ASCC2: variants seen among roughly 807,000 people sequenced by gnomAD.
The protein encoded by ASCC2 is activating signal cointegrator 1 complex subunit 2, also known as ASC-1 complex subunit P100.
ASCC2 carries 42 observed loss-of-function variants against 93.5 expected under a neutral mutation model. That is an observed-to-expected ratio of 0.45 (90% CI 0.35 to 0.58). ASCC2 has a LOEUF of 0.58. Among genes scored for constraint, ASCC2 ranks in the 20% least tolerant of loss-of-function variants. The probability of loss-of-function intolerance (pLI) is 0.00; values close to 1 mark genes in which losing one functional copy is unlikely to be tolerated. For missense variants in ASCC2, 859 were observed against 977.6 expected (o/e 0.88, Z 1.62); for synonymous variants, 364 against 384.2 (o/e 0.95, Z 0.62).
At position 29,793,693 on chromosome 22, in the gene ASCC2, G is replaced by C. The variant is rs1480662740; in HGVS notation, c.1689-17C>G. 3.2e-6 allele frequency: 5 copies of C among 1,546,940 alleles called. No individual in the cohort carries two copies. The highest frequency in any genetic ancestry group is 4.4e-6 in the Non-Finnish European group (5 of 1,147,834). ...TTCCTGGTGCTGAGAAGGAACAGCA[G>C]AAAGAGAGGAAGGAAAACCATCAGG... On this transcript the variant is annotated splice_polypyrimidine_tract_variant and intron_variant, in intron 15 of 19. Coordinates refer to ENST00000307790, the MANE Select transcript of ASCC2 (RefSeq NM_032204.5).
chr22:29,800,244 G>T (rs1450185353), intron 15 of ASCC2, among the ~76,000 whole-genome samples: 1 of 152,108 alleles, frequency 6.6e-6, no homozygotes. Flanking sequence ...TTTAGCTCTC[G>T]GTCCCATGTC....
At chr22:29,817,653 C>G (rs942831495) in intron 5 of ASCC2, among the ~76,000 whole-genome samples, 17 of 152,164 alleles carry the variant, frequency 1.1e-4, no homozygotes, top group Non-Finnish European at 2.4e-4. Context: ...CTCTCATGAT[C>G]CTTCCAGTGC....
intron 19 of ASCC2, 114 bp from the exon 20 acceptor site, chr22:29,789,298 C>T: frequency 1.0e-5 from 13 of 1,247,380 alleles, no homozygotes; most frequent in Non-Finnish European, 1.5e-5. Context: ...TGGGCCTGGT[C>T]ACTCATGTCC....
intron 5 of ASCC2, among the ~76,000 whole-genome samples, chr22:29,818,215 TTGAC>T (rs1194079404): frequency 6.6e-6 from 1 of 152,070 alleles, no homozygotes; most frequent in African/African-American, 2.4e-5. Context: ...AGTGATCACT[TTGAC>T]TGAGTTTCCG....
At chr22:29,807,779 C>T (rs1414469399) in intron 9 of ASCC2, among the ~76,000 whole-genome samples, 1 of 152,042 alleles carries the variant, frequency 6.6e-6, no homozygotes, top group East Asian at 1.9e-4. Flanking sequence ...TGTGGTGGCA[C>T]ACGCCTATAA....
chr22:29,827,805 ATTCT>A (rs2062587670), intron 2 of ASCC2, among the ~76,000 whole-genome samples: 1 of 51,928 alleles, frequency 1.9e-5, no homozygotes, highest in Non-Finnish European at 3.6e-5. Flanking sequence ...CAGGCTACTC[ATTCT>A]GACACACACA....
At chr22:29,800,534 G>A (rs2147623598) in intron 15 of ASCC2, among the ~76,000 whole-genome samples, 1 of 152,264 alleles carries the variant, frequency 6.6e-6, no homozygotes. Flanking sequence ...TGCCAAAAAA[G>A]TAGGAAGGAC....
chr22:29,834,755 G>C (rs1052883920), intron 1 of ASCC2, among the ~76,000 whole-genome samples: 6 of 152,146 alleles, frequency 3.9e-5, no homozygotes, highest in African/African-American at 9.7e-5. Flanking sequence ...TTTGCTCAAG[G>C]TAAATACATT....
At chr22:29,835,183 A>G (rs2063622203) in intron 1 of ASCC2, among the ~76,000 whole-genome samples, 1 of 152,170 alleles carries the variant, frequency 6.6e-6, no homozygotes, top group African/African-American at 2.4e-5. Context: ...GATTGCTCGA[A>G]GCCAGGAGTT....
At chr22:29,821,885 G>C in intron 5 of ASCC2, 1 of 427,236 alleles carries the variant, frequency 2.3e-6, no homozygotes, top group South Asian at 1.7e-5. Flanking sequence ...TGTAGTCCCA[G>C]GTACCTGGGA....
intron 6 of ASCC2, 34 bp downstream of exon 6, chr22:29,815,972 T>G: frequency 6.5e-7 from 1 of 1,542,090 alleles, no homozygotes; most frequent in Non-Finnish European, 8.8e-7. Context: ...TCCTCCAAGC[T>G]CAACCTCCCC....
At chr22:29,808,256 A>G (rs2059910198) in intron 8 of ASCC2, 71 bp from the exon 9 acceptor site, 1 of 1,501,566 alleles carries the variant, frequency 6.7e-7, no homozygotes, top group African/African-American at 1.4e-5. Context: ...ACATCAAAGC[A>G]AACCCCAGGG....
chr22:29,816,648 C>A (rs896138891), intron 5 of ASCC2: 3 of 152,240 alleles, frequency 2.0e-5, no homozygotes, highest in Admixed American at 1.3e-4. Flanking sequence ...AGATTTACCA[C>A]ACACTTGCAA....
At chr22:29,807,988 C>A in intron 9 of ASCC2, 123 bp downstream of exon 9, 1 of 909,406 alleles carries the variant, frequency 1.1e-6, no homozygotes, top group Non-Finnish European at 1.7e-6. Flanking sequence ...AAGCTCAAAG[C>A]TGCACAGTCC....
At chr22:29,795,541 C>T (rs964914504) in intron 15 of ASCC2, among the ~76,000 whole-genome samples, 1 of 152,176 alleles carries the variant, frequency 6.6e-6, no homozygotes, top group Non-Finnish European at 1.5e-5. Context: ...AGGGGGTTCC[C>T]AGTCCTCTTC....
chr22:29,827,425 T>C, intron 2 of ASCC2: 1 of 338,554 alleles, frequency 3.0e-6, no homozygotes, highest in Non-Finnish European at 6.1e-6. Flanking sequence ...AAATTGAGAC[T>C]GATAAGAGGT....
Position 29,825,703 on chromosome 22 carries a change from C to T in ASCC2, c.159G>A (p.Glu53=). ...PPKDNIPALV[E]EYLERATFVA... ...CGAAGGTGGCGCGTTCCAGGTACTC[C>T]TCCACTAGGGCGGGAATGTTGTCTT... Residue 53 remains glutamate, a synonymous_variant, in exon 3 of 20, where the codon GAG becomes GAA. Transcript: ENST00000307790. The surrounding 1 kb of genome is among the most constrained non-coding windows in gnomAD (Gnocchi z 4.9). 1 of 1,614,222 alleles carries T rather than the reference C, an allele frequency of 6.2e-7. No individual in the cohort carries two copies. Among genetic ancestry groups the T allele is most frequent in the Non-Finnish European group, 8.5e-7 (1 of 1,180,032 alleles).
At chr22:29,798,791 G>A (rs757917592) in intron 15 of ASCC2, among the ~76,000 whole-genome samples, 6 of 152,200 alleles carry the variant, frequency 3.9e-5, no homozygotes, top group South Asian at 2.1e-4. Flanking sequence ...GGGCAAGGCC[G>A]GGTATCCAGC....
chr22:29,837,802 C>G (rs2064030693), intron 1 of ASCC2, among the ~76,000 whole-genome samples: 1 of 152,226 alleles, frequency 6.6e-6, no homozygotes, highest in African/African-American at 2.4e-5. Flanking sequence ...AGACTGTAAG[C>G]TCCATGAGGG....
Sources: gnomAD v4.1 joint callset for allele counts (sites outside exome capture counted in the v4.1 genomes callset) on GRCh38, gnomAD v4.1.1 for gene constraint, Gnocchi (gnomAD v3.1) non-coding constraint, MANE v1.5 for transcripts, NCBI Gene and HGNC (gene_info 2026-07-23, HGNC 2026-07-21) for gene names.